The following ACSM5 variants were observed in gnomAD, a reference collection of about 807,000 sequenced individuals.
ACSM5 encodes the protein acyl-coenzyme A synthetase ACSM5, mitochondrial.
In ACSM5, 56 loss-of-function variants were observed where a neutral mutation model predicts 71.6. The observed-to-expected ratio is 0.78, with a 90% CI of 0.63 to 0.98. ACSM5 has a LOEUF of 0.98. ACSM5 is among the 50% of genes least tolerant of loss of function. The pLI, the probability that ACSM5 is intolerant of heterozygous loss-of-function variation, is 0.00. For missense variants in ACSM5, 723 were observed against 726.0 expected (o/e 1.00, Z 0.05); for synonymous variants, 285 against 281.5 (o/e 1.01, Z -0.12).
Position 20,431,270 on chromosome 16 carries a change from TG to T in ACSM5, c.1258del (p.Ala420ProfsTer55). On this transcript the variant is annotated frameshift_variant, in exon 10 of 14. Transcript: ENST00000331849. LOFTEE classifies it high-confidence loss of function. ...VLPPGEEGNV[A>X]VRIRPTRPFC... is the part of the protein sequence containing the mutation. ...TGCCTCCTGGAGAAGAGGGGAATGT[TG>T]CCGTCCGTATCAGACCCACTCGGCC... 1 of 1,614,174 alleles carries T rather than the reference TG, an allele frequency of 6.2e-7. No individual in the cohort carries two copies. Among genetic ancestry groups the T allele is most frequent in the Non-Finnish European group, 8.5e-7 (1 of 1,180,028 alleles).
chr16:20,423,345 G>T (rs1567343074), intron 5 of ACSM5, among the ~76,000 whole-genome samples: 1 of 152,198 alleles, frequency 6.6e-6, no homozygotes, highest in Non-Finnish European at 1.5e-5. Context: ...CCATTCCTGG[G>T]ATGCTCCTGC....
intron 10 of ACSM5, among the ~76,000 whole-genome samples, chr16:20,431,944 C>CA (rs747665777): frequency 0.016 from 2,082 of 126,708 alleles, 36 homozygotes; most frequent in Non-Finnish European, 0.027. Flanking sequence ...GACTCCGTAT[C>CA]AAAAAAAAAA....
chr16:20,415,822 C>G (rs1213722660), intron 2 of ACSM5, among the ~76,000 whole-genome samples: 1 of 152,114 alleles, frequency 6.6e-6, no homozygotes, highest in Admixed American at 6.6e-5. Flanking sequence ...ATTGGTGACT[C>G]ATTGTTTTCC....
chr16:20,436,750 G>A (rs1967207770), intron 10 of ACSM5, among the ~76,000 whole-genome samples: 1 of 152,140 alleles, frequency 6.6e-6, no homozygotes, highest in Non-Finnish European at 1.5e-5. Flanking sequence ...ACCACAGCCA[G>A]TGGCCCTGTG....
rs542734198 is a variant in ACSM5 at position 20,428,626 on chromosome 16, A to G, written c.1001+759A>G. ...CATGAATCTACCCACCAAGTGTCCA[A>G]AAAAGGGAGTTCTTACATGCTTCTA... On this transcript the variant is annotated intron_variant, in intron 7 of 13. Coordinates refer to ENST00000331849, the MANE Select transcript of ACSM5 (RefSeq NM_017888.3). 5.9e-5 allele frequency among the ~76,000 whole-genome samples: 9 copies of G among 152,298 alleles called. No individual in the cohort carries two copies. In the South Asian group the frequency reaches 1.7e-3, roughly 28 times the overall value.
chr16:20,411,114 G>C (rs1224703140), intron 1 of ACSM5, among the ~76,000 whole-genome samples: 1 of 152,182 alleles, frequency 6.6e-6, no homozygotes, highest in Non-Finnish European at 1.5e-5. Flanking sequence ...TTCTATTTCT[G>C]TTGGACAGTG....
rs73545426 is a variant in ACSM5 at position 20,423,992 on chromosome 16, C to G, written c.844C>G (p.Leu282Val). Residue 282 changes from leucine (L) to valine (V), a missense_variant, in exon 6 of 14, where the codon CTC becomes GTC. Transcript: ENST00000331849. ...TGGCTGGGTGAAGGCAGCCTGGACT[C>G]TCTTCTCTGCCTGGCCTAATGGATC... ...DTGWVKAAWT[L>V]FSAWPNGSCI... The G allele has an allele frequency of 5.0e-4, 813 of 1,614,156 alleles. 5 individuals carry two copies. In the South Asian group the frequency reaches 5.1e-3, roughly 10 times the overall value.
At chr16:20,411,228 A>C (rs1297775113) in intron 1 of ACSM5, among the ~76,000 whole-genome samples, 1 of 152,216 alleles carries the variant, frequency 6.6e-6, no homozygotes, top group Non-Finnish European at 1.5e-5. Context: ...GTGGGATCTG[A>C]GTTCTGACCT....
chr16:20,411,605 G>C lies in ACSM5; in HGVS notation c.121G>C (p.Ala41Pro). The change falls in exon 2 of 14, where the codon GCC becomes CCC. Residue 41 changes from alanine to proline, a missense_variant. Transcript: ENST00000331849. ...VPQKIVATWE[A>P]ISLGRQLVPE... is the part of the protein sequence containing the mutation. The stretch of plus-strand genomic sequence containing the variant: ...TCAGAAGATCGTGGCCACCTGGGAA[G>C]CCATCAGCCTGGGAAGGCAGCTGGT... 6.2e-7 allele frequency: 1 copy of C among 1,614,186 alleles called. No homozygotes were observed. The highest frequency in any genetic ancestry group is 2.2e-5 in the East Asian group (1 of 44,856).
intron 5 of ACSM5, among the ~76,000 whole-genome samples, chr16:20,422,389 C>G (rs11074455): frequency 0.04 from 6,121 of 152,230 alleles, 200 homozygotes; most frequent in African/African-American, 0.089. Flanking sequence ...GGATTACAGG[C>G]ATGAGCCACT....
intron 2 of ACSM5, among the ~76,000 whole-genome samples, chr16:20,413,622 A>G (rs1441984848): frequency 1.3e-5 from 2 of 152,220 alleles, no homozygotes; most frequent in East Asian, 1.9e-4. Context: ...TCCAATGTCT[A>G]TGGGAGCTTT....
chr16:20,431,817 G>A (rs1379348177), intron 10 of ACSM5, among the ~76,000 whole-genome samples: 2 of 152,088 alleles, frequency 1.3e-5, no homozygotes, highest in African/African-American at 4.8e-5. Flanking sequence ...CAGGCATGGT[G>A]GCGCACGCCT....
chr16:20,421,636 TATATATATATATATATATATACACACAC>T (rs1188345989), intron 5 of ACSM5, among the ~76,000 whole-genome samples: 1 of 136,656 alleles, frequency 7.3e-6, no homozygotes, highest in East Asian at 2.0e-4. Context: ...TATATATATA[TATATATATATATATATATATACACACAC>T]ACATATATAT....
chr16:20,432,182 T>G (rs1382938443), intron 10 of ACSM5, among the ~76,000 whole-genome samples: 1 of 152,154 alleles, frequency 6.6e-6, no homozygotes, highest in African/African-American at 2.4e-5. Flanking sequence ...CTCTCAGACC[T>G]GGCTGTGCAT....
intron 10 of ACSM5, among the ~76,000 whole-genome samples, 153 bp from the exon 11 acceptor site, chr16:20,436,899 T>TG (rs1041760147): frequency 1.3e-5 from 2 of 152,184 alleles, no homozygotes; most frequent in African/African-American, 4.8e-5. Flanking sequence ...CATAACTCCC[T>TG]GTCCATTGGG....
In ACSM5 at chr16:20,440,974, A is replaced by AAATTAAC. The variant is rs1967320251; in HGVS notation, c.*556_*562dup. 6.6e-6 allele frequency: 1 copy of AAATTAAC among 152,286 alleles called. No homozygotes were observed. Among genetic ancestry groups the AAATTAAC allele is most frequent in the African/African-American group, 2.4e-5 (1 of 41,458 alleles). The allele number at this position is 152,286 out of a possible 1,614,324, so 9.4% of individuals were successfully genotyped here. On this transcript the variant is annotated 3_prime_UTR_variant, in exon 14 of 14. Coordinates refer to ENST00000331849, the MANE Select transcript of ACSM5 (RefSeq NM_017888.3). ...ATTAAAACTAAAAAAAAAAAAGAAA[A>AAATTAAC]AATTAACAATTAACATCCAAACAAC...
At chr16:20,421,480 T>C (rs1396159508) in intron 5 of ACSM5, 79 bp downstream of exon 5, 4 of 1,342,978 alleles carry the variant, frequency 3.0e-6, no homozygotes, top group Non-Finnish European at 3.9e-6. Flanking sequence ...AGGGGAAAGG[T>C]GTCAGGAACG....
intron 2 of ACSM5, 40 bp downstream of exon 2, chr16:20,411,728 G>A (rs773734313): frequency 2.3e-5 from 37 of 1,589,928 alleles, no homozygotes; most frequent in Admixed American, 5.0e-5. Flanking sequence ...TGGGGCATCT[G>A]AGGCTGCCCT....
intron 1 of ACSM5, among the ~76,000 whole-genome samples, chr16:20,410,580 A>T (rs1206760055): frequency 3.9e-5 from 6 of 152,132 alleles, no homozygotes; most frequent in African/African-American, 1.4e-4. Context: ...AAAACTTTTT[A>T]AAAGTTAGCC....
Sources: gnomAD v4.1 joint callset for allele counts (sites outside exome capture counted in the v4.1 genomes callset) on GRCh38, gnomAD v4.1.1 for gene constraint, MANE v1.5 for transcripts, NCBI Gene and HGNC (gene_info 2026-07-23, HGNC 2026-07-21) for gene names.